The following CUX1 variants were observed in gnomAD, a reference collection of about 807,000 sequenced individuals.
The protein encoded by CUX1 is cut like homeobox 1, also known as protein CASP.
CUX1 carries 31 observed loss-of-function variants against 158.8 expected under a neutral mutation model. The observed-to-expected ratio is 0.20, with a 90% CI of 0.15 to 0.26. CUX1 has a LOEUF of 0.26. Ranked by LOEUF, CUX1 falls within the 10% of genes least tolerant of loss-of-function variation. CUX1 has a pLI of 1.00. For synonymous variants in CUX1, 879 were observed against 862.1 expected, an observed-to-expected ratio of 1.02 and a Z score of -0.34; for missense variants, 1,589 against 2,014.6, an observed-to-expected ratio of 0.79 and a Z score of 4.04.
rs1794099328 is a variant in CUX1 at position 102,189,933 on chromosome 7, A to G, written c.1076+62A>G. 3 of 1,573,616 alleles carry G rather than the reference A, an allele frequency of 1.9e-6. No individual in the cohort carries two copies. The African/African-American group carries it at 4.0e-5, about 21-fold the overall frequency. ...GGGCGCATTAGGGCCATCTGCTAACAATGCCAGGCTGGTGGCAGGAAGCCT... is the reference window on the plus strand; with the variant it reads ...GGGCGCATTAGGGCCATCTGCTAACGATGCCAGGCTGGTGGCAGGAAGCCT... On this transcript the variant is annotated intron_variant, in intron 12 of 23. Transcript: ENST00000292535.
At chr7:102,212,336 G>C (rs1677333545) in intron 20 of CUX1, among the ~76,000 whole-genome samples, 2 of 151,998 alleles carry the variant, frequency 1.3e-5, no homozygotes, top group South Asian at 4.1e-4. Flanking sequence ...TACGCAGGCT[G>C]CCAGCACCGC....
At chr7:102,000,349 C>T (rs2129273263) in intron 2 of CUX1, among the ~76,000 whole-genome samples, 1 of 152,326 alleles carries the variant, frequency 6.6e-6, no homozygotes, top group South Asian at 2.1e-4. Context: ...CTCTGGATGC[C>T]TCTCACAGGC....
chr7:102,055,567 A>G (rs1283221936), intron 3 of CUX1, among the ~76,000 whole-genome samples: 2 of 152,218 alleles, frequency 1.3e-5, no homozygotes. Context: ...AAGATGGCAG[A>G]CTTAATTGAT....
intron 1 of CUX1, among the ~76,000 whole-genome samples, chr7:101,870,066 G>T (rs1322844332): frequency 6.6e-6 from 1 of 151,358 alleles, no homozygotes; most frequent in Non-Finnish European, 1.5e-5. Context: ...TTTCCATCCG[G>T]TGTCTTCACC....
At chr7:101,938,879 A>G (rs1807276301) in intron 2 of CUX1, among the ~76,000 whole-genome samples, 1 of 151,488 alleles carries the variant, frequency 6.6e-6, no homozygotes, top group African/African-American at 2.4e-5. Flanking sequence ...CGCCTCTACT[A>G]AAAACACAAA....
chr7:101,943,967 A>ATT (rs1808052640), intron 2 of CUX1, among the ~76,000 whole-genome samples: 1 of 145,246 alleles, frequency 6.9e-6, no homozygotes, highest in African/African-American at 2.5e-5. Context: ...TAAAAATTAA[A>ATT]AAAAAAAAAA....
chr7:102,066,957 C>T (rs4729770), intron 3 of CUX1, among the ~76,000 whole-genome samples: 23 of 152,314 alleles, frequency 1.5e-4, no homozygotes, highest in Admixed American at 1.1e-3. Context: ...CATACACACA[C>T]GCGTTTTAAG....
rs549245210 is a variant in CUX1, at chr7:102,065,996, G to T, written c.190-4343G>T. On this transcript the variant is annotated intron_variant, in intron 3 of 23. Coordinates refer to ENST00000292535, the MANE Select transcript of CUX1 (RefSeq NM_181552.4). ...AGTAGAGACAGGGTTTCACCATGTT[G>T]ACCAGGCTGGTCTGCATCTCCTGAC... 3.3e-5 allele frequency among the ~76,000 whole-genome samples: 5 copies of T among 152,136 alleles called. No individual in the cohort carries two copies. The South Asian group carries it at 8.3e-4, about 25-fold the overall frequency.
At chr7:102,189,705 G>A (rs1794070647) in intron 11 of CUX1, 108 bp from the exon 12 acceptor site, 6 of 1,194,016 alleles carry the variant, frequency 5.0e-6, no homozygotes, top group Non-Finnish European at 6.2e-6. Flanking sequence ...CGCAAGGGCT[G>A]GCTTCCCCTC....
intron 8 of CUX1, among the ~76,000 whole-genome samples, chr7:102,149,309 T>C (rs1835359824): frequency 6.6e-6 from 1 of 152,132 alleles, no homozygotes; most frequent in African/African-American, 2.4e-5. Flanking sequence ...CAGAGGCCCT[T>C]GTACCACTTT....
At chr7:101,827,943 C>T (rs368672279) in intron 1 of CUX1, among the ~76,000 whole-genome samples, 8 of 143,404 alleles carry the variant, frequency 5.6e-5, no homozygotes, top group African/African-American at 1.6e-4. Context: ...GAGGGGGAGT[C>T]GGGAGAAGCA....
At chr7:101,913,360 G>A in intron 1 of CUX1, 2 of 1,263,532 alleles carry the variant, frequency 1.6e-6, no homozygotes, top group Non-Finnish European at 2.1e-6. Context: ...GGAAGGGAGG[G>A]CCGCAGACCC....
At chr7:102,021,481 A>AT (rs918164519) in intron 2 of CUX1, among the ~76,000 whole-genome samples, 10 of 151,786 alleles carry the variant, frequency 6.6e-5, no homozygotes, top group African/African-American at 2.4e-4. Flanking sequence ...TAATTTTTGT[A>AT]TTTTTTTCTA....
chr7:102,061,234 A>C (rs1824840544), intron 3 of CUX1, among the ~76,000 whole-genome samples: 1 of 152,100 alleles, frequency 6.6e-6, no homozygotes, highest in Non-Finnish European at 1.5e-5. Context: ...CAAAGACTTC[A>C]GCATTTAAGT....
intron 9 of CUX1, among the ~76,000 whole-genome samples, chr7:102,165,164 C>T (rs1383164266): frequency 6.6e-6 from 1 of 152,208 alleles, no homozygotes; most frequent in African/African-American, 2.4e-5. Context: ...CCCACACCTT[C>T]GCCCCACCAG....
rs558409016 is a variant in CUX1, at chr7:102,201,998, A to C, written c.2701A>C (p.Ser901Arg). Residue 901 changes from serine (S) to arginine (R), a missense_variant, in exon 18 of 24, where the codon AGC becomes CGC. By Grantham distance (110) the Ser-to-Arg change is moderately radical. Transcript: ENST00000292535. The surrounding 1 kb of genome is among the most constrained non-coding windows in gnomAD (Gnocchi z 5.0). ...QSSELSLTGA[S>R]RSETPQNSPL... Reference sequence around the variant, plus strand: ...CTCAGAGCTGAGTCTGACCGGGGCCAGCCGCAGCGAGACACCACAGAACAG... The same window carrying C: ...CTCAGAGCTGAGTCTGACCGGGGCCCGCCGCAGCGAGACACCACAGAACAG... 6.2e-7 allele frequency: 1 copy of C among 1,614,070 alleles called. No individual in the cohort carries two copies.
intron 11 of CUX1, among the ~76,000 whole-genome samples, chr7:102,185,118 C>T (rs1460725436): frequency 6.6e-6 from 1 of 152,166 alleles, no homozygotes; most frequent in African/African-American, 2.4e-5. Context: ...GATCCGCAGA[C>T]CTTCACGAAC....
chr7:101,833,212 G>T (rs1416528753), intron 1 of CUX1, among the ~76,000 whole-genome samples: 5 of 150,264 alleles, frequency 3.3e-5, no homozygotes, highest in Non-Finnish European at 1.5e-5. Context: ...ACCAGCCTGG[G>T]CAGCACAGTG....
chr7:102,266,940 A>T (rs1037627022), intron 14 of CUX1, among the ~76,000 whole-genome samples: 2 of 152,142 alleles, frequency 1.3e-5, no homozygotes, highest in African/African-American at 2.4e-5. Context: ...GCGTGTGTGC[A>T]TGTGTACATG....
Sources: allele counts gnomAD v4.1 joint callset (sites outside exome capture counted in the v4.1 genomes callset), GRCh38; gene constraint gnomAD v4.1.1; non-coding constraint Gnocchi (gnomAD v3.1); transcripts MANE v1.5; gene names NCBI Gene and HGNC (gene_info 2026-07-23, HGNC 2026-07-21).